Variants in COL4A2 observed in about 807,000 individuals in gnomAD.
The protein encoded by COL4A2 is collagen alpha-2(IV) chain.
A neutral mutation model predicts 200.2 loss-of-function variants in COL4A2; 99 were observed. That is an observed-to-expected ratio of 0.49 (90% confidence interval 0.42 to 0.58). The LOEUF is 0.58. Ranked by LOEUF, COL4A2 falls within the 20% of genes least tolerant of loss-of-function variation. The probability of loss-of-function intolerance (pLI) is 0.00; values close to 1 mark genes in which losing one functional copy is unlikely to be tolerated. For synonymous variants in COL4A2, 897 were observed against 900.6 expected, an observed-to-expected ratio of 1.00 and a Z score of 0.07; for missense variants, 1,950 against 2,314.1, an observed-to-expected ratio of 0.84 and a Z score of 3.23.
chr13:110,394,203 A>G (rs1299950971), intron 4 of COL4A2, among the ~76,000 whole-genome samples: 1 of 152,184 alleles, frequency 6.6e-6, no homozygotes, highest in Non-Finnish European at 1.5e-5. Context: ...ACAAGAGAAA[A>G]CATTGATGTA....
chr13:110,385,379 A>C (rs1878648053), intron 4 of COL4A2, among the ~76,000 whole-genome samples: 1 of 151,360 alleles, frequency 6.6e-6, no homozygotes, highest in Non-Finnish European at 1.5e-5. Context: ...TAAGGGAGGC[A>C]CAGTGATTAT....
chr13:110,372,500 T>A (rs1407167194), intron 4 of COL4A2, among the ~76,000 whole-genome samples: 1 of 152,240 alleles, frequency 6.6e-6, no homozygotes, highest in Non-Finnish European at 1.5e-5. Context: ...ATCAGTGTTA[T>A]GCTATTGTTT....
chr13:110,509,024 T>C (rs1883981777), intron 47 of COL4A2, among the ~76,000 whole-genome samples: 1 of 151,988 alleles, frequency 6.6e-6, no homozygotes, highest in Non-Finnish European at 1.5e-5. Flanking sequence ...CCACCAAAAA[T>C]CAAATAGTGA....
intron 4 of COL4A2, among the ~76,000 whole-genome samples, chr13:110,400,000 A>G (rs1044823719): frequency 1.3e-5 from 2 of 152,258 alleles, no homozygotes; most frequent in African/African-American, 4.8e-5. Context: ...TATTCACGAT[A>G]GATCTAGTAA....
rs367663533 is a variant in COL4A2 at position 110,390,892 on chromosome 13, T to G, written c.180+33340T>G. ...ACCAAATCTGAATTCAACCCTCATC[T>G]TTTATATTGAAATTCCTTTTTTAAA... On this transcript the variant is annotated intron_variant, in intron 4 of 47. Coordinates refer to ENST00000360467, the MANE Select transcript of COL4A2 (RefSeq NM_001846.4). Among the ~76,000 whole-genome samples the G allele has an allele frequency of 3.3e-4, 50 of 152,354 alleles. No homozygotes were observed. The South Asian group carries it at 8.1e-3, about 25-fold the overall frequency.
chr13:110,362,742 C>T (rs1327976944), intron 4 of COL4A2, among the ~76,000 whole-genome samples: 2 of 152,130 alleles, frequency 1.3e-5, no homozygotes, highest in Admixed American at 6.5e-5. Context: ...ATCAGCACCA[C>T]GCAATGTAAA....
chr13:110,491,272 A>G lies in COL4A2; in HGVS notation c.3386A>G (p.Asp1129Gly). The change falls in exon 37 of 48, where the codon GAC becomes GGC. Residue 1129 changes from aspartate (D) to glycine (G), a missense_variant. By Grantham distance (94) the Asp-to-Gly change is moderately conservative. This residue lies in a region of COL4A2 where 1,385 missense variants were observed against 1,720.5 expected (regional missense o/e 0.80). Transcript: ENST00000360467. ...TTTGGAGAGAAGGGAACAGAAGGTG[A>G]CATCGGCTTCCCTGGGATAACAGGC... ...GFFGEKGTEG[D>G]IGFPGITGVT... The G allele has an allele frequency of 6.2e-7, 1 of 1,601,716 alleles. No individual in the cohort carries two copies. The highest frequency in any genetic ancestry group is 8.5e-7 in the Non-Finnish European group (1 of 1,173,420).
chr13:110,413,874 G>A (rs1434628535), intron 4 of COL4A2, among the ~76,000 whole-genome samples: 1 of 152,238 alleles, frequency 6.6e-6, no homozygotes, highest in Non-Finnish European at 1.5e-5. Context: ...ATTGCTGCAT[G>A]CAGAGCACCA....
At chr13:110,441,786 G>A (rs1181124369) in intron 16 of COL4A2, among the ~76,000 whole-genome samples, 1 of 152,006 alleles carries the variant, frequency 6.6e-6, no homozygotes, top group Non-Finnish European at 1.5e-5. Context: ...TCAACACAAG[G>A]GACTTGTAGT....
intron 4 of COL4A2, among the ~76,000 whole-genome samples, chr13:110,420,029 T>C (rs963091730): frequency 1.3e-5 from 2 of 152,240 alleles, no homozygotes; most frequent in African/African-American, 2.4e-5. Flanking sequence ...CAAACTGTTA[T>C]GTACCAAGGA....
intron 4 of COL4A2, among the ~76,000 whole-genome samples, chr13:110,416,565 A>G (rs1442375567): frequency 6.6e-6 from 1 of 152,258 alleles, no homozygotes; most frequent in East Asian, 1.9e-4. Context: ...AAAGCCATTG[A>G]GCACAACCAC....
intron 4 of COL4A2, among the ~76,000 whole-genome samples, chr13:110,407,220 G>A (rs9559793): frequency 0.12 from 18,996 of 152,242 alleles, 1,620 homozygotes; most frequent in East Asian, 0.39. Flanking sequence ...TGGGAAAGCC[G>A]GTGTGGGAGA....
chr13:110,323,581 C>T (rs1225503430), intron 3 of COL4A2, among the ~76,000 whole-genome samples: 1 of 152,212 alleles, frequency 6.6e-6, no homozygotes, highest in Non-Finnish European at 1.5e-5. Context: ...ATGCCCAGTG[C>T]CAGCTTCCCC....
At chr13:110,424,651 A>AAAAAAT in intron 4 of COL4A2, 83 bp from the exon 5 acceptor site, 4 of 911,796 alleles carry the variant, frequency 4.4e-6, no homozygotes, top group South Asian at 3.9e-5. Flanking sequence ...AAAAAAAAAA[A>AAAAAAT]TGTAGTTTTG....
In COL4A2 at chr13:110,357,517, G is replaced by T; in HGVS notation, c.145G>T (p.Gly49Trp). 6.3e-7 allele frequency: 1 copy of T among 1,593,698 alleles called. No homozygotes were observed. Among genetic ancestry groups the T allele is most frequent in the East Asian group, 2.3e-5 (1 of 44,110 alleles). ...DVPCGGRDCS[G>W]GCQCYPEKGG... is the part of the protein sequence containing the mutation. Reference sequence around the variant, plus strand: ...GCCGTGTGGAGGAAGAGATTGCAGTGGGGGCTGCCAGTGCTACCCTGAGAA... The same window carrying T: ...GCCGTGTGGAGGAAGAGATTGCAGTTGGGGCTGCCAGTGCTACCCTGAGAA... The change falls in exon 4 of 48, where the codon GGG (glycine) becomes TGG (tryptophan). Residue 49 changes from glycine (G) to tryptophan (W), a missense_variant. Physicochemically the swap from Gly to Trp is radical, Grantham distance 184. This residue lies in a region of COL4A2 where 565 missense variants were observed against 593.5 expected (regional missense o/e 0.95). Transcript: ENST00000360467.
intron 3 of COL4A2, among the ~76,000 whole-genome samples, chr13:110,356,963 A>G (rs1348465671): frequency 1.3e-5 from 2 of 152,054 alleles, no homozygotes; most frequent in East Asian, 3.9e-4. Flanking sequence ...ACGGGGTTTC[A>G]CCATGTTGGC....
chr13:110,337,259 G>GC (rs1319159574), intron 3 of COL4A2, among the ~76,000 whole-genome samples: 2 of 152,232 alleles, frequency 1.3e-5, no homozygotes, highest in African/African-American at 4.8e-5. Flanking sequence ...GCTGATCACA[G>GC]CCAAGTTTGG....
chr13:110,407,858 C>T (rs9521747), intron 4 of COL4A2, among the ~76,000 whole-genome samples: 92,792 of 151,994 alleles, frequency 0.61, 28,462 homozygotes, highest in Admixed American at 0.65. Flanking sequence ...TGCAATTCAC[C>T]GAGTTAAGGA....
chr13:110,406,977 T>G (rs1459372421), intron 4 of COL4A2, among the ~76,000 whole-genome samples: 2 of 152,156 alleles, frequency 1.3e-5, no homozygotes, highest in Admixed American at 1.3e-4. Flanking sequence ...CTCCTGGGGC[T>G]CATCCTGCAA....
Sources: gnomAD v4.1 joint callset for allele counts (sites outside exome capture counted in the v4.1 genomes callset) on GRCh38, gnomAD v4.1.1 for gene constraint, gnomAD v4.1.1 regional missense constraint, MANE v1.5 for transcripts, NCBI Gene and HGNC (gene_info 2026-07-23, HGNC 2026-07-21) for gene names.